ENTHD1: variants seen among roughly 807,000 people sequenced by gnomAD.
ENTHD1 encodes the protein ENTH domain-containing protein 1.
Under a neutral mutation model 39.1 loss-of-function variants are expected in ENTHD1, and 23 were observed. That is an observed-to-expected ratio of 0.59 (90% confidence interval 0.42 to 0.83). ENTHD1 has a LOEUF of 0.83. ENTHD1 is among the 40% of genes least tolerant of loss of function. The pLI, the probability that ENTHD1 is intolerant of heterozygous loss-of-function variation, is 0.00. For missense variants in ENTHD1, 624 were observed against 705.4 expected, an observed-to-expected ratio of 0.88 and a Z score of 1.31; for synonymous variants, 230 against 258.2, an observed-to-expected ratio of 0.89 and a Z score of 1.05.
chr22:39,778,528 A>T lies in ENTHD1; in HGVS notation c.833-12919T>A, dbSNP rs570507641. On this transcript the variant is annotated intron_variant, in intron 5 of 6. Coordinates refer to ENST00000325157, the MANE Select transcript of ENTHD1 (RefSeq NM_152512.4). ...CCTTTAAATATCATTTCGATCATAA[A>T]TTCAGATAAAGTATTATTTCTTGTG... 3.3e-5 allele frequency among the ~76,000 whole-genome samples: 5 copies of T among 152,364 alleles called. No homozygotes were observed. The East Asian group carries it at 9.6e-4, about 29-fold the overall frequency.
At chr22:39,775,376 T>C (rs2065358412) in intron 5 of ENTHD1, among the ~76,000 whole-genome samples, 1 of 152,186 alleles carries the variant, frequency 6.6e-6, no homozygotes, top group South Asian at 2.1e-4. Flanking sequence ...AGCTGGATGA[T>C]TTGGTCATTA....
At chr22:39,822,961 T>C (rs2065794721) in intron 4 of ENTHD1, among the ~76,000 whole-genome samples, 1 of 152,226 alleles carries the variant, frequency 6.6e-6, no homozygotes, top group Non-Finnish European at 1.5e-5. Flanking sequence ...ATATTGACAT[T>C]GAAATAGTCA....
intron 2 of ENTHD1, chr22:39,876,151 T>G: frequency 6.5e-7 from 1 of 1,537,220 alleles, no homozygotes; most frequent in Non-Finnish European, 8.8e-7. Context: ...CTTTCAGTCT[T>G]TATGTCACCT....
intron 5 of ENTHD1, among the ~76,000 whole-genome samples, chr22:39,773,010 G>T (rs963593377): frequency 2.0e-5 from 3 of 150,760 alleles, no homozygotes; most frequent in Non-Finnish European, 4.4e-5. Flanking sequence ...CTAGCTAGGC[G>T]CAGTGGCTTA....
At chr22:39,750,058 G>C (rs2065136785) in intron 6 of ENTHD1, 1 of 169,316 alleles carries the variant, frequency 5.9e-6, no homozygotes, top group African/African-American at 2.4e-5. Flanking sequence ...TTTAGAGAAA[G>C]GTACCAGGAA....
chr22:39,820,985 C>CA lies in ENTHD1; in HGVS notation c.832+7dup. 6.2e-7 allele frequency: 1 copy of CA among 1,613,712 alleles called. No individual in the cohort carries two copies. Among genetic ancestry groups the CA allele is most frequent in the South Asian group, 1.1e-5 (1 of 91,024 alleles). ...ATAAGTAAACTTCCTATTCCTTAAC[C>CA]AATTTACCTGCACCCGAAAGATTAC... On this transcript the variant is annotated splice_region_variant and intron_variant, in intron 5 of 6. Coordinates refer to ENST00000325157, the MANE Select transcript of ENTHD1 (RefSeq NM_152512.4).
At chr22:39,856,285 A>AG (rs2066086277) in intron 3 of ENTHD1, among the ~76,000 whole-genome samples, 1 of 151,856 alleles carries the variant, frequency 6.6e-6, no homozygotes, top group East Asian at 1.9e-4. Context: ...AAAAAAAAAA[A>AG]AAAAAAAAAA....
chr22:39,838,205 T>A (rs1015880871), intron 3 of ENTHD1, among the ~76,000 whole-genome samples: 14 of 152,192 alleles, frequency 9.2e-5, no homozygotes, highest in African/African-American at 3.4e-4. Context: ...TTAATAGTTA[T>A]TTAATAAATT....
At chr22:39,871,310 T>G (rs2066242122) in intron 2 of ENTHD1, among the ~76,000 whole-genome samples, 1 of 152,116 alleles carries the variant, frequency 6.6e-6, no homozygotes, top group Non-Finnish European at 1.5e-5. Context: ...TTAAAATCTA[T>G]CAAGAGCTGA....
intron 6 of ENTHD1, among the ~76,000 whole-genome samples, chr22:39,753,974 C>G (rs541462475): frequency 5.8e-4 from 88 of 152,276 alleles, no homozygotes; most frequent in African/African-American, 2.0e-3. Context: ...CCTTTCTTAA[C>G]CAGTCTAGAT....
intron 2 of ENTHD1, among the ~76,000 whole-genome samples, chr22:39,868,220 G>C (rs1225020311): frequency 1.3e-5 from 2 of 152,074 alleles, no homozygotes; most frequent in African/African-American, 4.8e-5. Context: ...CCACCTGCTT[G>C]CTCAGCCCCT....
rs886579176 is a variant in ENTHD1 at position 39,867,766 on chromosome 22, C to T, written c.350-5759G>A. ...CGAGATCGCGCCATTGCACTCCAGCCTGGGCGATGAGAGCACAACTCCGTC... is the reference window on the plus strand; with the variant it reads ...CGAGATCGCGCCATTGCACTCCAGCTTGGGCGATGAGAGCACAACTCCGTC... On this transcript the variant is annotated intron_variant, in intron 2 of 6. Transcript: ENST00000325157. The surrounding 1 kb of genome is among the most constrained non-coding windows in gnomAD (Gnocchi z 4.5). 4.6e-5 allele frequency among the ~76,000 whole-genome samples: 7 copies of T among 151,984 alleles called. No individual in the cohort carries two copies. Among genetic ancestry groups the T allele is most frequent in the African/African-American group, 9.7e-5 (4 of 41,362 alleles).
intron 4 of ENTHD1, among the ~76,000 whole-genome samples, chr22:39,833,809 A>T (rs2146672952): frequency 6.6e-6 from 1 of 152,098 alleles, no homozygotes; most frequent in South Asian, 2.1e-4. Flanking sequence ...GACTAAATAG[A>T]GATGAAAAAT....
At chr22:39,857,471 A>AT (rs1555940780) in intron 3 of ENTHD1, among the ~76,000 whole-genome samples, 2,841 of 118,490 alleles carry the variant, frequency 0.024, 731 homozygotes, top group African/African-American at 0.06. Flanking sequence ...AAAAAAAAAA[A>AT]GCAATCTGTG....
intron 6 of ENTHD1, among the ~76,000 whole-genome samples, chr22:39,763,851 C>T (rs2065254046): frequency 6.6e-6 from 1 of 152,096 alleles, no homozygotes; most frequent in Non-Finnish European, 1.5e-5. Flanking sequence ...TTGTGGTATT[C>T]ATGAAATAAA....
At chr22:39,811,653 G>A (rs1277212053) in intron 5 of ENTHD1, among the ~76,000 whole-genome samples, 1 of 152,218 alleles carries the variant, frequency 6.6e-6, no homozygotes, top group East Asian at 1.9e-4. Context: ...GAAACTGGAT[G>A]TACGCAGTAG....
At chr22:39,862,604 T>C (rs1013094957) in intron 2 of ENTHD1, among the ~76,000 whole-genome samples, 1 of 149,282 alleles carries the variant, frequency 6.7e-6, no homozygotes, top group Non-Finnish European at 1.5e-5. Flanking sequence ...TCAAACAATA[T>C]AGGCATACAA....
intron 5 of ENTHD1, among the ~76,000 whole-genome samples, chr22:39,814,295 C>CAAAAAAAAAA (rs77915572): frequency 1.5e-4 from 15 of 97,724 alleles, no homozygotes; most frequent in Admixed American, 2.2e-4. Context: ...CCCATCTCTA[C>CAAAAAAAAAA]AAAAAAAAAA....
At chr22:39,854,320 T>C (rs537009980) in intron 3 of ENTHD1, among the ~76,000 whole-genome samples, 15 of 152,286 alleles carry the variant, frequency 9.8e-5, no homozygotes, top group African/African-American at 3.6e-4. Flanking sequence ...AATGATAGTT[T>C]TCAGGGAAAT....
Sources: gnomAD v4.1 joint callset for allele counts (sites outside exome capture counted in the v4.1 genomes callset) on GRCh38, gnomAD v4.1.1 for gene constraint, Gnocchi (gnomAD v3.1) non-coding constraint, MANE v1.5 for transcripts, NCBI Gene and HGNC (gene_info 2026-07-23, HGNC 2026-07-21) for gene names.